ATAD5: variants seen among roughly 807,000 people sequenced by gnomAD.
ATAD5 encodes ATPase family AAA domain-containing protein 5.
ATAD5 carries 58 observed loss-of-function variants against 176.9 expected under a neutral mutation model. That is an observed-to-expected ratio of 0.33 (90% CI 0.27 to 0.41). ATAD5 has a LOEUF of 0.41. Ranked by LOEUF, ATAD5 falls within the 10% of genes least tolerant of loss-of-function variation. The pLI, the probability that ATAD5 is intolerant of heterozygous loss-of-function variation, is 1.00. For synonymous variants in ATAD5, 640 were observed against 712.6 expected (o/e 0.90, Z 1.62); for missense variants, 1,789 against 2,094.1 (o/e 0.85, Z 2.84).
At chr17:30,847,346 A>T (rs1906575831) in intron 6 of ATAD5, among the ~76,000 whole-genome samples, 1 of 151,908 alleles carries the variant, frequency 6.6e-6, no homozygotes, top group African/African-American at 2.4e-5. Flanking sequence ...AGAGAGAGAG[A>T]GAGAGATGGA....
chr17:30,836,608 T>C (rs917843247), intron 2 of ATAD5, among the ~76,000 whole-genome samples: 9 of 151,970 alleles, frequency 5.9e-5, no homozygotes, highest in African/African-American at 2.2e-4. Context: ...CTCACTGTTG[T>C]CCAGTCTGGA....
chr17:30,880,004 A>G lies in ATAD5; in HGVS notation c.4077+517A>G, dbSNP rs572861255. Among the ~76,000 whole-genome samples the G allele has an allele frequency of 6.7e-5, 10 of 149,472 alleles. No individual in the cohort carries two copies. The South Asian group carries it at 1.9e-3, about 28-fold the overall frequency. On this transcript the variant is annotated intron_variant, in intron 18 of 22. Coordinates refer to ENST00000321990, the MANE Select transcript of ATAD5 (RefSeq NM_024857.5). ...GTGCCACTGTACTCTAGCCTGGTCA[A>G]TCAATCAATCAATAAGGCCAGGCAC...
intron 18 of ATAD5, among the ~76,000 whole-genome samples, chr17:30,882,424 T>C (rs116410527): frequency 1.2e-3 from 183 of 151,578 alleles, no homozygotes; most frequent in African/African-American, 4.2e-3. Context: ...ATTAGCTGGA[T>C]GTAAAAAGAA....
intron 18 of ATAD5, among the ~76,000 whole-genome samples, 199 bp downstream of exon 18, chr17:30,879,686 C>T (rs913012589): frequency 6.6e-6 from 1 of 152,026 alleles, no homozygotes; most frequent in South Asian, 2.1e-4. Flanking sequence ...CCTCAGCCTC[C>T]GAAGTAGCTG....
At chr17:30,882,612 G>A (rs1391300242) in intron 18 of ATAD5, among the ~76,000 whole-genome samples, 2 of 151,902 alleles carry the variant, frequency 1.3e-5, no homozygotes, top group African/African-American at 2.4e-5. Context: ...AAAACAATTT[G>A]TCTAGACAAT....
At chr17:30,856,009 G>T (rs1907274426) in intron 7 of ATAD5, among the ~76,000 whole-genome samples, 1 of 151,898 alleles carries the variant, frequency 6.6e-6, no homozygotes. Flanking sequence ...ATTTTTACTA[G>T]TACAGCTTTA....
rs1245423610 is a variant in ATAD5 at position 30,835,059 on chromosome 17, A to G, written c.978A>G (p.Ala326=). The G allele has an allele frequency of 2.5e-6, 4 of 1,613,944 alleles. No homozygotes were observed. The highest frequency in any genetic ancestry group is 3.4e-6 in the Non-Finnish European group (4 of 1,180,020). The change falls in exon 2 of 23, where the codon GCA becomes GCG. Residue 326 remains alanine, a synonymous_variant. Transcript: ENST00000321990. ...QVRFKTVTVL[A]QVHPIPPKKT... is the part of the protein sequence containing the mutation. ...GCTTTAAGACAGTTACTGTTCTTGC[A>G]CAGGTTCACCCTATTCCGCCCAAAA...
Position 30,832,095 on chromosome 17 carries a change from C to G in ATAD5, c.-253C>G. 1 of 388,028 alleles carries G rather than the reference C, an allele frequency of 2.6e-6. No individual in the cohort carries two copies. The highest frequency in any genetic ancestry group is 3.7e-5 in the East Asian group (1 of 27,022). The allele number at this position is 388,028 out of a possible 1,614,324, so 24.0% of individuals were successfully genotyped here. On this transcript the variant is annotated 5_prime_UTR_variant, in exon 1 of 23. Coordinates refer to ENST00000321990, the MANE Select transcript of ATAD5 (RefSeq NM_024857.5). ...CCTGAAGCGCCGCTTTCGAGGGCAC[C>G]CTGCATACACTGGCCGCGCCTCAGG... is the stretch of plus-strand genomic sequence containing the variant.
chr17:30,889,015 G>A (rs1478143231), intron 19 of ATAD5, among the ~76,000 whole-genome samples: 21 of 146,314 alleles, frequency 1.4e-4, no homozygotes, highest in African/African-American at 5.1e-4. Context: ...AGCCAAGATC[G>A]CACCACTGCA....
rs866686577 is a variant in ATAD5 at position 30,885,644 on chromosome 17, T to G, written c.4078-1548T>G. Among the ~76,000 whole-genome samples, 600 of 138,294 alleles carry G rather than the reference T, an allele frequency of 4.3e-3. 1 individual carries two copies. The highest frequency in any genetic ancestry group is 0.018 in the Middle Eastern group (5 of 280). The allele number at this position is 138,294 out of a possible 152,430, so 90.7% of individuals were successfully genotyped here. The stretch of plus-strand genomic sequence containing the variant: ...CTTTCTTTTTTTTTTTTTTTTTTTT[T>G]TTTGGTTGAGATGGAGTTCGCTCTT... On this transcript the variant is annotated intron_variant, in intron 18 of 22. Coordinates refer to ENST00000321990, the MANE Select transcript of ATAD5 (RefSeq NM_024857.5).
rs1909634254 is a variant in ATAD5 at position 30,891,476 on chromosome 17, A to C, written c.4259-1131A>C. ...AGCCTCTGCCTCCCGGGTTCAAGTGATTCTCCTGCCTCAGCCTCCCAAGTA... is the reference window on the plus strand; with the variant it reads ...AGCCTCTGCCTCCCGGGTTCAAGTGCTTCTCCTGCCTCAGCCTCCCAAGTA... On this transcript the variant is annotated intron_variant, in intron 19 of 22. Coordinates refer to ENST00000321990, the MANE Select transcript of ATAD5 (RefSeq NM_024857.5). Among the ~76,000 whole-genome samples the C allele has an allele frequency of 2.0e-5, 3 of 152,086 alleles. No individual in the cohort carries two copies. The South Asian group carries it at 6.2e-4, about 32-fold the overall frequency.
At chr17:30,839,457 A>G (rs113210232) in intron 3 of ATAD5, among the ~76,000 whole-genome samples, 14,526 of 150,504 alleles carry the variant, frequency 0.097, 2,023 homozygotes, top group African/African-American at 0.31. Flanking sequence ...TTGTATTTTT[A>G]GTAGAGATGG....
In ATAD5 at chr17:30,835,927, G is replaced by A. The variant is rs772072992; in HGVS notation, c.1846G>A (p.Asp616Asn). 9 of 1,613,968 alleles carry A rather than the reference G, an allele frequency of 5.6e-6. No individual in the cohort carries two copies. The highest frequency in any genetic ancestry group is 3.3e-5 in the South Asian group (3 of 91,084). Residue 616 changes from aspartate (D) to asparagine (N), a missense_variant, in exon 2 of 23, where the codon GAT becomes AAT. This residue lies in a region of ATAD5 where 696 missense variants were observed against 712.5 expected (regional missense o/e 0.98). Transcript: ENST00000321990. Reference sequence around the variant, plus strand: ...AACCATTAGAGGTATTGATTCTGACGATGTACAAGATAATAGTCAACTAAA... The same window carrying A: ...AACCATTAGAGGTATTGATTCTGACAATGTACAAGATAATAGTCAACTAAA... ...TETIRGIDSD[D>N]VQDNSQLKAS...
At chr17:30,868,212 G>C (rs1290162802) in intron 11 of ATAD5, 121 bp from the exon 12 acceptor site, 2 of 703,734 alleles carry the variant, frequency 2.8e-6, no homozygotes, top group African/African-American at 3.7e-5. Flanking sequence ...TTCATCAGTT[G>C]AATGGCCAGT....
At chr17:30,886,372 T>TTTTA (rs138195442) in intron 18 of ATAD5, among the ~76,000 whole-genome samples, 6,303 of 146,524 alleles carry the variant, frequency 0.043, 231 homozygotes, top group East Asian at 0.16. Flanking sequence ...AATTGAATTA[T>TTTTA]TTTATTTATT....
chr17:30,878,632 T>G (rs1908803279), intron 17 of ATAD5, among the ~76,000 whole-genome samples: 2 of 151,488 alleles, frequency 1.3e-5, no homozygotes, highest in African/African-American at 2.4e-5. Context: ...ATGAGGCTAG[T>G]CTCTACTTAC....
intron 10 of ATAD5, 33 bp downstream of exon 10, chr17:30,860,645 AT>A (rs1249659600): frequency 6.6e-7 from 1 of 1,511,722 alleles, no homozygotes; most frequent in African/African-American, 1.4e-5. Flanking sequence ...AAAGAAATAG[AT>A]TGCTTTGAGG....
chr17:30,893,575 T>C lies in ATAD5; in HGVS notation c.4722T>C (p.Asp1574=), dbSNP rs748693923. 12 of 1,613,610 alleles carry C rather than the reference T, an allele frequency of 7.4e-6. No individual in the cohort carries two copies. The change falls in exon 21 of 23, where the codon GAT becomes GAC. Residue 1574 remains aspartate, a synonymous_variant. Transcript: ENST00000321990. ...AAAAGAAAACATTGGTAATATTAGA[T>C]GATAGTGATCTATTTGACACTGACT... ...KKQKKTLVIL[D]DSDLFDTDLD... is the part of the protein sequence containing the mutation.
At chr17:30,894,285 A>G in intron 21 of ATAD5, 135 bp downstream of exon 21, 1 of 832,634 alleles carries the variant, frequency 1.2e-6, no homozygotes, top group Non-Finnish European at 1.8e-6. Flanking sequence ...GTAGCTTCTA[A>G]TGAGATAGCT....
Sources: allele counts gnomAD v4.1 joint callset (sites outside exome capture counted in the v4.1 genomes callset), GRCh38; gene constraint gnomAD v4.1.1; regional missense constraint gnomAD v4.1.1; transcripts MANE v1.5; gene names NCBI Gene and HGNC (gene_info 2026-07-23, HGNC 2026-07-21).